Variants in PARD3 observed in about 807,000 individuals in gnomAD.
PARD3 encodes the protein partitioning defective 3 homolog.
Under a neutral mutation model 155.4 loss-of-function variants are expected in PARD3, and 75 were observed. The observed-to-expected ratio is 0.48, with a 90% confidence interval of 0.40 to 0.58. The LOEUF is 0.58. Ranked by LOEUF, PARD3 falls within the 20% of genes least tolerant of loss-of-function variation. The pLI, the probability that PARD3 is intolerant of heterozygous loss-of-function variation, is 0.00. For missense variants in PARD3, 1,642 were observed against 1,721.7 expected (o/e 0.95, Z 0.82); for synonymous variants, 576 against 610.5 (o/e 0.94, Z 0.83).
At chr10:34,354,598 A>G (rs1220010069) in intron 14 of PARD3, among the ~76,000 whole-genome samples, 2 of 152,114 alleles carry the variant, frequency 1.3e-5, no homozygotes, top group African/African-American at 4.8e-5. Flanking sequence ...GGGGCTATGA[A>G]AATCCTTTGG....
intron 22 of PARD3, among the ~76,000 whole-genome samples, chr10:34,223,809 G>C (rs1952442198): frequency 6.6e-6 from 1 of 152,190 alleles, no homozygotes; most frequent in Non-Finnish European, 1.5e-5. Flanking sequence ...ATCTCTGTGA[G>C]ACAGGTGTGA....
intron 1 of PARD3, among the ~76,000 whole-genome samples, chr10:34,698,310 T>C (rs772940000): frequency 2.5e-4 from 38 of 152,130 alleles, no homozygotes; most frequent in Admixed American, 2.4e-3. Context: ...CATAACTTCA[T>C]CCTTCAGAAC....
At chr10:34,233,425 C>T (rs12252951) in intron 22 of PARD3, among the ~76,000 whole-genome samples, 1 of 152,002 alleles carries the variant, frequency 6.6e-6, no homozygotes, top group African/African-American at 2.4e-5. Flanking sequence ...TTCTCTCCCT[C>T]GATGATATCG....
At chr10:34,616,384 C>T (rs1346344547) in intron 2 of PARD3, among the ~76,000 whole-genome samples, 1 of 152,080 alleles carries the variant, frequency 6.6e-6, no homozygotes. Flanking sequence ...GCTGCATATA[C>T]ACCCAATGGA....
intron 20 of PARD3, among the ~76,000 whole-genome samples, chr10:34,304,596 G>C (rs1957311395): frequency 6.6e-6 from 1 of 152,194 alleles, no homozygotes; most frequent in African/African-American, 2.4e-5. Flanking sequence ...GATGGTGCAG[G>C]AGAGTGTTAG....
intron 22 of PARD3, among the ~76,000 whole-genome samples, chr10:34,192,077 TG>T (rs1378644455): frequency 6.6e-6 from 1 of 151,578 alleles, no homozygotes; most frequent in Non-Finnish European, 1.5e-5. Flanking sequence ...CTTTCCTGCT[TG>T]TTTTTTTTTT....
At position 34,478,067 on chromosome 10, in the gene PARD3, T is replaced by C. The variant is rs563822703; in HGVS notation, c.404-7804A>G. On this transcript the variant is annotated intron_variant, in intron 3 of 24. Transcript: ENST00000374788. Reference sequence around the variant, plus strand: ...ATTTCCTAGAATCTTTGGAAGAAATTTGTGGAAGGCAGGGCAAGAAATAAG... The same window carrying C: ...ATTTCCTAGAATCTTTGGAAGAAATCTGTGGAAGGCAGGGCAAGAAATAAG... 2.6e-5 allele frequency among the ~76,000 whole-genome samples: 4 copies of C among 152,334 alleles called. No individual in the cohort carries two copies. The South Asian group carries it at 6.2e-4, about 24-fold the overall frequency.
chr10:34,409,077 T>C (rs1169543810), intron 5 of PARD3, among the ~76,000 whole-genome samples: 2 of 152,132 alleles, frequency 1.3e-5, no homozygotes, highest in South Asian at 2.1e-4. Flanking sequence ...ATTCCTACTA[T>C]TCTTATCTCA....
intron 1 of PARD3, among the ~76,000 whole-genome samples, chr10:34,761,506 AGATT>A (rs1319940194): frequency 3.3e-5 from 5 of 152,208 alleles, no homozygotes; most frequent in Admixed American, 2.6e-4. Flanking sequence ...AAAACAAATC[AGATT>A]GATTATTTTT....
chr10:34,308,839 T>C (rs1957549105), intron 20 of PARD3, among the ~76,000 whole-genome samples: 1 of 151,406 alleles, frequency 6.6e-6, no homozygotes, highest in Non-Finnish European at 1.5e-5. Flanking sequence ...GACTTCGGAC[T>C]GAGCACCTGG....
chr10:34,157,279 T>G (rs951084913), intron 22 of PARD3, among the ~76,000 whole-genome samples: 4 of 152,200 alleles, frequency 2.6e-5, no homozygotes, highest in Middle Eastern at 3.2e-3. Flanking sequence ...GTGCCCTCTG[T>G]GCTCAGCTGT....
chr10:34,231,325 T>A (rs1952920238), intron 22 of PARD3, among the ~76,000 whole-genome samples: 2 of 149,528 alleles, frequency 1.3e-5, no homozygotes, highest in South Asian at 2.2e-4. Flanking sequence ...CAACTTTTGG[T>A]TCCTGAACTA....
intron 1 of PARD3, among the ~76,000 whole-genome samples, chr10:34,766,613 T>C (rs969868511): frequency 3.4e-5 from 3 of 87,536 alleles, no homozygotes; most frequent in African/African-American, 1.6e-4. Flanking sequence ...AAATACTTAA[T>C]TGACAAAAAA....
intron 1 of PARD3, among the ~76,000 whole-genome samples, chr10:34,712,149 C>A (rs7916149): frequency 0.051 from 7,737 of 152,272 alleles, 608 homozygotes; most frequent in African/African-American, 0.17. Flanking sequence ...TCTCCTCACT[C>A]TAGTCCCGAT....
chr10:34,160,336 C>T (rs75638445), intron 22 of PARD3, among the ~76,000 whole-genome samples: 4,108 of 152,284 alleles, frequency 0.027, 79 homozygotes, highest in Non-Finnish European at 0.04. Context: ...TCATGTAGAA[C>T]TAATAAGGCT....
At position 34,350,633 on chromosome 10, in the gene PARD3, C is replaced by CGGGG. The variant is rs113142401; in HGVS notation, c.2068-2522_2068-2519dup. Among the ~76,000 whole-genome samples, 75 of 40,690 alleles carry CGGGG rather than the reference C, an allele frequency of 1.8e-3. 1 individual carries two copies. The highest frequency in any genetic ancestry group is 2.7e-3 in the African/African-American group (52 of 18,956). The allele number at this position is 40,690 out of a possible 152,430, so 26.7% of individuals were successfully genotyped here. On this transcript the variant is annotated intron_variant, in intron 14 of 24. Coordinates refer to ENST00000374788, the MANE Select transcript of PARD3 (RefSeq NM_001184785.2). ...GGCTAACAGAGAGACTCCATCTTGG[C>CGGGG]GGGGGGGGAGGGGGGGTGGTAGAAT...
At chr10:34,283,895 A>G (rs1956266965) in intron 21 of PARD3, among the ~76,000 whole-genome samples, 1 of 151,644 alleles carries the variant, frequency 6.6e-6, no homozygotes, top group African/African-American at 2.4e-5. Context: ...TCTATTTCCT[A>G]TGCAAAAGAT....
chr10:34,269,526 C>T (rs1955508981), intron 22 of PARD3, 131 bp downstream of exon 22: 2 of 950,692 alleles, frequency 2.1e-6, no homozygotes, highest in African/African-American at 1.6e-5. Context: ...TACTTTTAGA[C>T]ACAACAGCTT....
intron 22 of PARD3, among the ~76,000 whole-genome samples, chr10:34,193,528 C>A (rs1238443880): frequency 6.6e-6 from 1 of 152,156 alleles, no homozygotes; most frequent in Non-Finnish European, 1.5e-5. Context: ...GATGAAACAT[C>A]CTCAAGCAGA....
Sources: gnomAD v4.1 joint callset for allele counts (sites outside exome capture counted in the v4.1 genomes callset) on GRCh38, gnomAD v4.1.1 for gene constraint, MANE v1.5 for transcripts, NCBI Gene and HGNC (gene_info 2026-07-23, HGNC 2026-07-21) for gene names.